Variants in PIPOX observed in about 807,000 individuals in gnomAD.
The protein encoded by PIPOX is pipecolic acid and sarcosine oxidase.
In PIPOX, 45 loss-of-function variants were observed where a neutral mutation model predicts 47.9. That is an observed-to-expected ratio of 0.94 (90% CI 0.74 to 1.20). The LOEUF is 1.20. PIPOX is among the 50% of genes most tolerant of loss of function. The pLI, the probability that PIPOX is intolerant of heterozygous loss-of-function variation, is 0.00. For synonymous variants in PIPOX, 165 were observed against 191.3 expected (o/e 0.86, Z 1.13); for missense variants, 458 against 498.4 (o/e 0.92, Z 0.77).
intron 6 of PIPOX, 126 bp downstream of exon 6, chr17:29,055,347 G>A (rs1481017965): frequency 8.9e-7 from 1 of 1,122,036 alleles, no homozygotes; most frequent in African/African-American, 1.5e-5. Context: ...TTAAACAAAC[G>A]GGCTCATTTC....
chr17:29,051,124 A>G (rs1017628095), intron 2 of PIPOX, among the ~76,000 whole-genome samples: 19 of 147,670 alleles, frequency 1.3e-4, no homozygotes, highest in East Asian at 2.0e-4. Flanking sequence ...CTGTCTTGGG[A>G]AAAAAAAAAA....
At chr17:29,045,841 G>C (rs1254058731) in intron 2 of PIPOX, among the ~76,000 whole-genome samples, 3 of 152,160 alleles carry the variant, frequency 2.0e-5, no homozygotes, top group African/African-American at 7.2e-5. Flanking sequence ...ACGTTCCCCA[G>C]GCTGGATTGC....
intron 2 of PIPOX, chr17:29,052,121 G>C (rs765756217): frequency 2.7e-5 from 12 of 447,930 alleles, no homozygotes; most frequent in African/African-American, 2.2e-4. Context: ...TGAGGAATGA[G>C]AGACAGAGAC....
chr17:29,056,382 G>A lies in PIPOX; in HGVS notation c.*77G>A, dbSNP rs1009851344. ...AGAAGATGTCTCAGATGAAGGGAGTGTCCCTGAGATATCATCCTTTTCTTC... is the reference window on the plus strand; with the variant it reads ...AGAAGATGTCTCAGATGAAGGGAGTATCCCTGAGATATCATCCTTTTCTTC... On this transcript the variant is annotated 3_prime_UTR_variant, in exon 8 of 8. Coordinates refer to ENST00000323372, the MANE Select transcript of PIPOX (RefSeq NM_016518.3). 2 of 1,534,152 alleles carry A rather than the reference G, an allele frequency of 1.3e-6. No individual in the cohort carries two copies. Among genetic ancestry groups the A allele is most frequent in the Admixed American group, 1.7e-5 (1 of 58,198 alleles).
rs773849011 is a variant in PIPOX at position 29,044,917 on chromosome 17, C to A, written c.173C>A (p.Ala58Glu). ...SHGQSRIIRK[A>E]YLEDFYTRMM... is the part of the protein sequence containing the mutation. ...GGACAAAGCCGGATAATCCGAAAGG[C>A]GTACCTGGAAGACTTTTACACCCGG... Residue 58 changes from alanine to glutamate, a missense_variant, in exon 2 of 8, where the codon GCG becomes GAG. By Grantham distance (107) the Ala-to-Glu change is moderately radical. Transcript: ENST00000323372. 1 of 1,614,112 alleles carries A rather than the reference C, an allele frequency of 6.2e-7. No homozygotes were observed. Among genetic ancestry groups the A allele is most frequent in the Non-Finnish European group, 8.5e-7 (1 of 1,180,000 alleles).
intron 2 of PIPOX, among the ~76,000 whole-genome samples, chr17:29,048,251 C>T (rs186100864): frequency 6.5e-4 from 99 of 152,234 alleles, no homozygotes; most frequent in African/African-American, 2.3e-3. Context: ...CTGTGTGGTT[C>T]TTACTTTTCC....
At chr17:29,051,068 C>G (rs1003630242) in intron 2 of PIPOX, among the ~76,000 whole-genome samples, 8 of 151,890 alleles carry the variant, frequency 5.3e-5, no homozygotes. Context: ...TTGCAGTGAC[C>G]TGAGATCGCA....
In PIPOX at chr17:29,053,102, T is replaced by C. The variant is rs1447847027; in HGVS notation, c.446T>C (p.Ile149Thr). 1.2e-6 allele frequency: 2 copies of C among 1,614,190 alleles called. No homozygotes were observed. The highest frequency in any genetic ancestry group is 1.1e-5 in the South Asian group (1 of 91,082). The change falls in exon 3 of 8, where the codon ATC (isoleucine) becomes ACC (threonine). Residue 149 changes from isoleucine to threonine, a missense_variant. Transcript: ENST00000323372. ...CTCTTGGACAATTCCGGAGGAGTTA[T>C]CTATGCATATAAGGCCCTCAGAGCC... ...VGLLDNSGGV[I>T]YAYKALRALQ...
At chr17:29,052,851 G>A in intron 2 of PIPOX, 69 bp from the exon 3 acceptor site, 4 of 1,346,866 alleles carry the variant, frequency 3.0e-6, no homozygotes, top group Non-Finnish European at 4.2e-6. Context: ...GGGATTACAG[G>A]CGTGAGTCGT....
intron 2 of PIPOX, chr17:29,051,951 G>C: frequency 4.2e-6 from 2 of 470,802 alleles, no homozygotes; most frequent in Non-Finnish European, 8.8e-6. Context: ...GTACCACCCT[G>C]GTGTGGAACC....
intron 2 of PIPOX, chr17:29,046,789 C>G: frequency 1.0e-6 from 1 of 980,408 alleles, no homozygotes; most frequent in Non-Finnish European, 1.2e-6. Context: ...GGACCTGGCT[C>G]TAAATCTCAG....
At chr17:29,054,964 TGATG>T in intron 5 of PIPOX, 95 bp from the exon 6 acceptor site, 1 of 1,488,088 alleles carries the variant, frequency 6.7e-7, no homozygotes, top group African/African-American at 1.4e-5. Flanking sequence ...AAGGCTGGAA[TGATG>T]GATGGGGCTG....
chr17:29,055,907 G>T lies in PIPOX; in HGVS notation c.1042+19G>T, dbSNP rs377506685. The T allele has an allele frequency of 1.9e-6, 3 of 1,609,220 alleles. No individual in the cohort carries two copies. In the African/African-American group the frequency reaches 4.0e-5, roughly 22 times the overall value. On this transcript the variant is annotated intron_variant, in intron 7 of 7. Coordinates refer to ENST00000323372, the MANE Select transcript of PIPOX (RefSeq NM_016518.3). Reference sequence around the variant, plus strand: ...TTCTCTGGTGAGTCTGAGCTGGGGGGAATGGGGTGCCTTAAAGCTGACCTA... The same window carrying T: ...TTCTCTGGTGAGTCTGAGCTGGGGGTAATGGGGTGCCTTAAAGCTGACCTA...
intron 2 of PIPOX, among the ~76,000 whole-genome samples, chr17:29,051,079 C>T (rs1005706016): frequency 6.6e-6 from 1 of 151,996 alleles, no homozygotes; most frequent in African/African-American, 2.4e-5. Flanking sequence ...TGAGATCGCA[C>T]CACTGCACTC....
rs981300392 is a variant in PIPOX, at chr17:29,052,989, G to A, written c.333G>A (p.Ser111=). 8.1e-6 allele frequency: 13 copies of A among 1,614,122 alleles called. No homozygotes were observed. The South Asian group carries it at 9.9e-5, about 12-fold the overall frequency. The change falls in exon 3 of 8, where the codon TCG becomes TCA. Residue 111 remains serine (S), a synonymous_variant. Coordinates refer to ENST00000323372, the MANE Select transcript of PIPOX (RefSeq NM_016518.3). Reference sequence around the variant, plus strand: ...TAAAGACAATCCAGGCCAATCTGTCGAGGCAGAGGGTAGAACACCAGTGTC... The same window carrying A: ...TAAAGACAATCCAGGCCAATCTGTCAAGGCAGAGGGTAGAACACCAGTGTC... ...QELKTIQANL[S]RQRVEHQCLS...
Position 29,055,075 on chromosome 17 carries a change from C to A in PIPOX, c.820C>A (p.His274Asn), listed in dbSNP as rs1447356011. The A allele has an allele frequency of 1.9e-6, 3 of 1,614,044 alleles. No individual in the cohort carries two copies. In the African/African-American group the frequency reaches 4.0e-5, roughly 22 times the overall value. The stretch of plus-strand genomic sequence containing the variant: ...GATTGGGAGCCAGGTCAGCTATCAC[C>A]ACGGCAACCACGCAGACCCTGAGGA... ...YPGLMKVSYH[H>N]GNHADPEERD... Residue 274 changes from histidine (H) to asparagine (N), a missense_variant, in exon 6 of 8, where the codon CAC becomes AAC. Transcript: ENST00000323372.
chr17:29,045,497 A>G (rs1219438283), intron 2 of PIPOX, among the ~76,000 whole-genome samples: 1 of 122,702 alleles, frequency 8.1e-6, no homozygotes, highest in East Asian at 2.4e-4. Flanking sequence ...TGCAACCTCC[A>G]CCTCCCGGGT....
At chr17:29,048,127 A>G (rs934238434) in intron 2 of PIPOX, among the ~76,000 whole-genome samples, 3 of 152,232 alleles carry the variant, frequency 2.0e-5, no homozygotes, top group African/African-American at 7.2e-5. Context: ...GACACAGAGC[A>G]GATACTTCCC....
chr17:29,046,812 C>A, intron 2 of PIPOX: 1 of 948,824 alleles, frequency 1.1e-6, no homozygotes, highest in Non-Finnish European at 1.3e-6. Flanking sequence ...CTGACACGCT[C>A]AGCTGTGTGG....
Sources: allele counts gnomAD v4.1 joint callset (sites outside exome capture counted in the v4.1 genomes callset), GRCh38; gene constraint gnomAD v4.1.1; transcripts MANE v1.5; gene names NCBI Gene and HGNC (gene_info 2026-07-23, HGNC 2026-07-21).